METTL27: variants seen among roughly 807,000 people sequenced by gnomAD.
The protein encoded by METTL27 is methyltransferase like 27, also known as methyltransferase-like protein 27.
In METTL27, 29 loss-of-function variants were observed where a neutral mutation model predicts 24.5. The observed-to-expected ratio is 1.18, with a 90% CI of 0.88 to 1.61. METTL27 has a LOEUF of 1.61. Ranked by LOEUF, METTL27 falls within the 40% of genes most tolerant of loss-of-function variation. METTL27 has a pLI of 0.00. For missense variants in METTL27, 341 were observed against 324.3 expected (o/e 1.05, Z -0.40); for synonymous variants, 138 against 146.8 (o/e 0.94, Z 0.43).
At position 73,834,676 on chromosome 7, in the gene METTL27, G is replaced by A. The variant is rs1554634673; in HGVS notation, c.*67C>T. 1.4e-6 allele frequency: 2 copies of A among 1,439,296 alleles called. No homozygotes were observed. The highest frequency in any genetic ancestry group is 1.4e-5 in the African/African-American group (1 of 71,248). 89.2% of individuals were successfully genotyped at this position (1,439,296 alleles called of 1,614,324 possible). ...CCATTTTACAGGGGAGGCAGAGGAG[G>A]CCCAGCAGATGGGCCCAGCTAAGGC... On this transcript the variant is annotated 3_prime_UTR_variant, in exon 6 of 6. Transcript: ENST00000297873.
rs1788221256 is a variant in METTL27, at chr7:73,836,864, TGAGAAATCGGATGGTTGCC to T, written c.479-1881_479-1863del. Among the ~76,000 whole-genome samples, 7 of 102,926 alleles carry T rather than the reference TGAGAAATCGGATGGTTGCC, an allele frequency of 6.8e-5. 1 individual carries two copies. The South Asian group carries it at 2.2e-3, about 32-fold the overall frequency. 67.5% of individuals were successfully genotyped at this position (102,926 alleles called of 152,430 possible). A position where few individuals can be genotyped will look rare whatever the true frequency, so the allele number is the denominator to read the frequency against. ...AAGGCAGGAAAGGTGGGGAAAAGAT[TGAGAAATCGGATGGTTGCC>T]GTGTCTGTGTAGAAAGAAGTAGACA... On this transcript the variant is annotated intron_variant, in intron 5 of 5. Coordinates refer to ENST00000297873, the MANE Select transcript of METTL27 (RefSeq NM_152559.3).
At position 73,834,851 on chromosome 7, in the gene METTL27, C is replaced by T. The variant is rs1788115524; in HGVS notation, c.630G>A (p.Trp210Ter). Residue 210 changes from tryptophan (W) to a stop codon, truncating the protein, a stop_gained, in exon 6 of 6, where the codon TGG becomes TGA. Coordinates refer to ENST00000297873, the MANE Select transcript of METTL27 (RefSeq NM_152559.3). LOFTEE classifies it high-confidence loss of function. The part of the protein sequence containing the change: ...PVDRLWTAGS[W>*]LPPSWRWYPA... Reference sequence around the variant, plus strand: ...GATACCACCTCCAGCTCGGAGGTAGCCAGCTCCCAGCGGTCCACAGGCGGT... The same window carrying T: ...GATACCACCTCCAGCTCGGAGGTAGTCAGCTCCCAGCGGTCCACAGGCGGT... The T allele has an allele frequency of 6.2e-7, 1 of 1,614,090 alleles. No homozygotes were observed. The highest frequency in any genetic ancestry group is 8.5e-7 in the Non-Finnish European group (1 of 1,180,024).
chr7:73,840,199 C>A, intron 4 of METTL27, 79 bp from the exon 5 acceptor site: 2 of 1,508,688 alleles, frequency 1.3e-6, no homozygotes, highest in South Asian at 1.3e-5. Context: ...CTCAGACCAC[C>A]CTAGGGGTGG....
At chr7:73,836,571 GA>G (rs1554635325) in intron 5 of METTL27, among the ~76,000 whole-genome samples, 10 of 5,408 alleles carry the variant, frequency 1.8e-3, no homozygotes, top group East Asian at 0.012. Context: ...CCCCATCCGG[GA>G]AGTGAGGGGC....
rs532873022 is a variant in METTL27, at chr7:73,836,687, C to A, written c.479-1685G>T. Among the ~76,000 whole-genome samples the A allele has an allele frequency of 6.2e-4, 33 of 53,352 alleles. 2 individuals are homozygous for A. Among genetic ancestry groups the A allele is most frequent in the Admixed American group, 3.5e-3 (22 of 6,286 alleles). The allele number at this position is 53,352 out of a possible 152,430, so 35.0% of individuals were successfully genotyped here. The stretch of plus-strand genomic sequence containing the variant: ...GGGGTCAGCCCCCCGCCCGGCCAGC[C>A]CCCCCATCCGGGAAGTGAGGGGCGC... On this transcript the variant is annotated intron_variant, in intron 5 of 5. Coordinates refer to ENST00000297873, the MANE Select transcript of METTL27 (RefSeq NM_152559.3).
chr7:73,839,301 A>C (rs572622078), intron 5 of METTL27, among the ~76,000 whole-genome samples: 1 of 152,148 alleles, frequency 6.6e-6, no homozygotes, highest in South Asian at 2.1e-4. Flanking sequence ...TAAATAAATA[A>C]ATTCTGGGAG....
intron 2 of METTL27, among the ~76,000 whole-genome samples, chr7:73,841,444 G>A (rs2130561246): frequency 6.6e-6 from 1 of 151,758 alleles, no homozygotes; most frequent in East Asian, 1.9e-4. Context: ...TCCTGGCCAA[G>A]CGGCTCTCTC....
chr7:73,836,194 CCGCCAGGCCAGCCGCCCCG>C (rs1788185945), intron 5 of METTL27, among the ~76,000 whole-genome samples: 1 of 44,932 alleles, frequency 2.2e-5, no homozygotes, highest in African/African-American at 6.0e-5. Flanking sequence ...GGTCAGCCCC[CCGCCAGGCCAGCCGCCCCG>C]TCCGGGAGGG....
In METTL27 at chr7:73,842,072, G is replaced by A. The variant is rs1422129653; in HGVS notation, c.69C>T (p.Pro23=). ...AGAAATGGAGCTTTTGGGCCAGGTC[G>A]GGGATGCCATGCGCGGCCCTGACCC... The part of the protein sequence containing the change: ...RARVRAAHGI[P]DLAQKLHFYD... The change falls in exon 2 of 6, where the codon CCC becomes CCT. Residue 23 remains proline, a synonymous_variant. Transcript: ENST00000297873. 3 of 1,613,910 alleles carry A rather than the reference G, an allele frequency of 1.9e-6. No homozygotes were observed. The highest frequency in any genetic ancestry group is 1.7e-6 in the Non-Finnish European group (2 of 1,179,992).
intron 4 of METTL27, 25 bp from the exon 5 acceptor site, chr7:73,840,145 G>T (rs781887398): frequency 1.4e-6 from 2 of 1,385,852 alleles, no homozygotes; most frequent in Non-Finnish European, 2.0e-6. Context: ...GGGGGGGTGG[G>T]GACATGGTGT....
At chr7:73,838,436 C>T (rs1042818435) in intron 5 of METTL27, among the ~76,000 whole-genome samples, 24 of 152,176 alleles carry the variant, frequency 1.6e-4, no homozygotes, top group African/African-American at 5.8e-4. Flanking sequence ...GTCCAGGCAC[C>T]TATAGTGTGC....
chr7:73,834,730 T>C lies in METTL27; in HGVS notation c.*13A>G. The C allele has an allele frequency of 6.2e-7, 1 of 1,610,304 alleles. No homozygotes were observed. Among genetic ancestry groups the C allele is most frequent in the African/African-American group, 1.3e-5 (1 of 74,938 alleles). Reference sequence around the variant, plus strand: ...ATGGAGTCAGGGGCCAGCTGGGGGCTGGGGGCTGGATCTCACTTCCTCAAC... The same window carrying C: ...ATGGAGTCAGGGGCCAGCTGGGGGCCGGGGGCTGGATCTCACTTCCTCAAC... On this transcript the variant is annotated 3_prime_UTR_variant, in exon 6 of 6. Transcript: ENST00000297873.
chr7:73,836,040 G>A (rs1420665084), intron 5 of METTL27, among the ~76,000 whole-genome samples: 3 of 147,762 alleles, frequency 2.0e-5, no homozygotes, highest in African/African-American at 8.0e-5. Flanking sequence ...TGGGAAGTGA[G>A]GAGCGTCTCC....
chr7:73,839,889 G>T, intron 5 of METTL27, 142 bp downstream of exon 5: 1 of 694,774 alleles, frequency 1.4e-6, no homozygotes, highest in South Asian at 3.1e-5. Flanking sequence ...TGGCTGGGAT[G>T]TTAGGCTAGG....
At chr7:73,835,840 A>G (rs1437570538) in intron 5 of METTL27, among the ~76,000 whole-genome samples, 2 of 103,238 alleles carry the variant, frequency 1.9e-5, no homozygotes, top group East Asian at 3.1e-4. Context: ...ATTGTCTGAG[A>G]TGTGGGGAGC....
rs374062552 is a variant in METTL27, at chr7:73,840,132, T to TG, written c.389-13dup. 9,567 of 818,216 alleles carry TG rather than the reference T, an allele frequency of 0.012. 29 individuals are homozygous for TG. The highest frequency in any genetic ancestry group is 0.038 in the African/African-American group (1,522 of 39,972). 50.7% of individuals were successfully genotyped at this position (818,216 alleles called of 1,614,324 possible). ...CGCGTCGAAGGTCCCTGTGTGTGTG[T>TG]GGGGGGGGGTGGGGACATGGTGTGA... On this transcript the variant is annotated splice_polypyrimidine_tract_variant and intron_variant, in intron 4 of 5. Coordinates refer to ENST00000297873, the MANE Select transcript of METTL27 (RefSeq NM_152559.3).
At chr7:73,840,754 G>A (rs1788331250) in intron 3 of METTL27, among the ~76,000 whole-genome samples, 2 of 152,134 alleles carry the variant, frequency 1.3e-5, no homozygotes, top group Non-Finnish European at 2.9e-5. Flanking sequence ...GAACTTCCGG[G>A]CTCAAGTGAT....
At chr7:73,841,949 T>C (rs921541620) in intron 2 of METTL27, 69 bp downstream of exon 2, 17 of 1,612,252 alleles carry the variant, frequency 1.1e-5, no homozygotes, top group Non-Finnish European at 1.4e-5. Context: ...GGTGCAAGGC[T>C]GATTCCCCAC....
In METTL27 at chr7:73,840,426, G is replaced by A. The variant is rs782764627; in HGVS notation, c.376C>T (p.Pro126Ser). Residue 126 changes from proline (P) to serine (S), a missense_variant, in exon 4 of 6, where the codon CCC becomes TCC. Physicochemically the swap from Pro to Ser is moderately conservative, Grantham distance 74. Coordinates refer to ENST00000297873, the MANE Select transcript of METTL27 (RefSeq NM_152559.3). ...SLCTLGQEPLPSPEGTFDAVL... is the reference protein window; with the variant it reads ...SLCTLGQEPLSSPEGTFDAVL... ...GGAGAGAAAGTACCTTCCGGGCTGG[G>A]CAGAGGCTCCTGGCCCAGGGTGCAG... is the stretch of plus-strand genomic sequence containing the variant. 26 of 1,583,702 alleles carry A rather than the reference G, an allele frequency of 1.6e-5. No individual in the cohort carries two copies. Among genetic ancestry groups the A allele is most frequent in the East Asian group, 7.0e-5 (3 of 43,002 alleles).
Sources: gnomAD v4.1 joint callset for allele counts (sites outside exome capture counted in the v4.1 genomes callset) on GRCh38, gnomAD v4.1.1 for gene constraint, MANE v1.5 for transcripts, NCBI Gene and HGNC (gene_info 2026-07-23, HGNC 2026-07-21) for gene names.